Variants in PTPN4 observed in about 807,000 individuals in gnomAD.
PTPN4 encodes protein tyrosine phosphatase non-receptor type 4.
In PTPN4, 49 loss-of-function variants were observed where a neutral mutation model predicts 135.5. The ratio of observed to expected loss-of-function variants is 0.36; its 90% CI spans 0.29 to 0.46. PTPN4 has a LOEUF of 0.46. PTPN4 is among the 20% of genes least tolerant of loss of function. The pLI, the probability that PTPN4 is intolerant of heterozygous loss-of-function variation, is 1.00. For synonymous variants in PTPN4, 333 were observed against 369.9 expected, an observed-to-expected ratio of 0.90 and a Z score of 1.14; for missense variants, 860 against 1,101.0, an observed-to-expected ratio of 0.78 and a Z score of 3.10.
intron 26 of PTPN4, among the ~76,000 whole-genome samples, chr2:119,969,407 T>G (rs919206741): frequency 1.3e-5 from 2 of 152,222 alleles, no homozygotes; most frequent in Non-Finnish European, 1.5e-5. Flanking sequence ...TTCATCTGGA[T>G]AGCTGTTCAC....
rs187888697 is a variant in PTPN4 at position 119,855,091 on chromosome 2, G to C, written c.139-7445G>C. ...TTAAGTACTGATCTTTCAAGGAGAG[G>C]GGTGCCCATAAACCAGAATAGACCT... On this transcript the variant is annotated intron_variant, in intron 2 of 26. Transcript: ENST00000263708. Among the ~76,000 whole-genome samples the C allele has an allele frequency of 1.5e-3, 228 of 152,184 alleles. 2 individuals are homozygous for C. The highest frequency in any genetic ancestry group is 2.7e-3 in the Non-Finnish European group (184 of 68,010).
At chr2:119,949,358 A>G (rs1334262187) in intron 18 of PTPN4, among the ~76,000 whole-genome samples, 2 of 152,194 alleles carry the variant, frequency 1.3e-5, no homozygotes, top group Admixed American at 6.5e-5. Context: ...ATCGGGGGAA[A>G]AGGAAAAGGT....
At chr2:119,930,400 G>A (rs1015028706) in intron 13 of PTPN4, among the ~76,000 whole-genome samples, 1 of 151,548 alleles carries the variant, frequency 6.6e-6, no homozygotes, top group South Asian at 2.1e-4. Context: ...TAAATTTTTC[G>A]TGGTTTAGTA....
chr2:119,821,941 C>T (rs756457250), intron 2 of PTPN4, among the ~76,000 whole-genome samples: 18 of 151,818 alleles, frequency 1.2e-4, no homozygotes, highest in Non-Finnish European at 1.8e-4. Flanking sequence ...TTATGTATGA[C>T]GTATTGTTTG....
chr2:119,973,764 T>G (rs1177214261), intron 26 of PTPN4, among the ~76,000 whole-genome samples: 1 of 144,328 alleles, frequency 6.9e-6, no homozygotes, highest in Non-Finnish European at 1.5e-5. Context: ...ATCCTCAAGG[T>G]GGTGTTCTCT....
chr2:119,878,269 T>C (rs1678015069), intron 5 of PTPN4, among the ~76,000 whole-genome samples: 2 of 152,196 alleles, frequency 1.3e-5, no homozygotes, highest in Admixed American at 1.3e-4. Flanking sequence ...AACAGTGTAG[T>C]AACTGTCAGT....
chr2:119,885,923 T>G, intron 9 of PTPN4, 41 bp downstream of exon 9: 3 of 1,330,308 alleles, frequency 2.3e-6, no homozygotes, highest in Non-Finnish European at 3.1e-6. Flanking sequence ...TGAGTTAGGC[T>G]CCGTTACTCA....
intron 1 of PTPN4, among the ~76,000 whole-genome samples, chr2:119,780,755 T>G (rs764759074): frequency 2.0e-5 from 3 of 152,222 alleles, no homozygotes; most frequent in Non-Finnish European, 4.4e-5. Flanking sequence ...ATGACAGATT[T>G]CTCCATTGTA....
intron 2 of PTPN4, among the ~76,000 whole-genome samples, chr2:119,843,634 CT>C (rs1356882715): frequency 0.024 from 1,207 of 50,676 alleles, 24 homozygotes; most frequent in African/African-American, 0.032. Context: ...CCCCCCCCAC[CT>C]TCCCTCCCGG....
rs1678224953 is a variant in PTPN4, at chr2:119,890,466, C to T, written c.675+4584C>T. Reference sequence around the variant, plus strand: ...GTTGAATTATGTATTTTAATCCATTCAGCCATTTTGTATCTTTTAAGAGGA... The same window carrying T: ...GTTGAATTATGTATTTTAATCCATTTAGCCATTTTGTATCTTTTAAGAGGA... On this transcript the variant is annotated intron_variant, in intron 9 of 26. Transcript: ENST00000263708. 2.0e-5 allele frequency among the ~76,000 whole-genome samples: 3 copies of T among 152,038 alleles called. No individual in the cohort carries two copies. In the South Asian group the frequency reaches 6.2e-4, roughly 32 times the overall value.
intron 1 of PTPN4, among the ~76,000 whole-genome samples, chr2:119,781,118 A>T (rs899373118): frequency 1.3e-5 from 2 of 151,990 alleles, no homozygotes; most frequent in African/African-American, 4.8e-5. Context: ...TTTTTCTTTG[A>T]CTAGTCCTCA....
intron 2 of PTPN4, among the ~76,000 whole-genome samples, chr2:119,846,478 A>G (rs1011236750): frequency 1.3e-5 from 2 of 151,424 alleles, no homozygotes; most frequent in African/African-American, 4.9e-5. Context: ...AACTTTTTAA[A>G]TCCTTTACTT....
chr2:119,893,488 G>C (rs1678272397), intron 9 of PTPN4, among the ~76,000 whole-genome samples: 1 of 152,188 alleles, frequency 6.6e-6, no homozygotes, highest in Admixed American at 6.5e-5. Context: ...TATAGACCTG[G>C]AGTTGAGAGG....
chr2:119,815,026 A>C (rs1252783904), intron 2 of PTPN4, among the ~76,000 whole-genome samples: 1 of 152,168 alleles, frequency 6.6e-6, no homozygotes, highest in East Asian at 1.9e-4. Flanking sequence ...TAAGGTGACC[A>C]TATTTCTTGT....
chr2:119,833,417 A>G (rs1280025034), intron 2 of PTPN4, among the ~76,000 whole-genome samples: 1 of 152,128 alleles, frequency 6.6e-6, no homozygotes, highest in Non-Finnish European at 1.5e-5. Context: ...CTTAATAAAT[A>G]AGTTTTTATA....
rs1691141920 is a variant in PTPN4, at chr2:119,791,335, G to A, written c.-17-18502G>A. Reference sequence around the variant, plus strand: ...AGTAGAGATGGGGTTTCACCATGTTGGTTGGCCAGGATGGTCTCAATCTCT... The same window carrying A: ...AGTAGAGATGGGGTTTCACCATGTTAGTTGGCCAGGATGGTCTCAATCTCT... On this transcript the variant is annotated intron_variant, in intron 1 of 26. Coordinates refer to ENST00000263708, the MANE Select transcript of PTPN4 (RefSeq NM_002830.4). 3.3e-5 allele frequency: 5 copies of A among 152,044 alleles called. No individual in the cohort carries two copies. The South Asian group carries it at 1.0e-3, about 32-fold the overall frequency. The allele number at this position is 152,044 out of a possible 1,614,324, so 9.4% of individuals were successfully genotyped here.
At chr2:119,842,359 TAAGA>T (rs923723276) in intron 2 of PTPN4, among the ~76,000 whole-genome samples, 2 of 152,200 alleles carry the variant, frequency 1.3e-5, no homozygotes, top group Non-Finnish European at 2.9e-5. Flanking sequence ...GGTTCAAGAC[TAAGA>T]AAGAGACCAC....
intron 1 of PTPN4, among the ~76,000 whole-genome samples, chr2:119,771,085 T>G (rs1259479457): frequency 6.6e-6 from 1 of 152,166 alleles, no homozygotes. Flanking sequence ...ATGTAACAAG[T>G]CTGATTACCT....
chr2:119,772,182 C>T (rs1343596431), intron 1 of PTPN4, among the ~76,000 whole-genome samples: 2 of 152,136 alleles, frequency 1.3e-5, no homozygotes, highest in African/African-American at 4.8e-5. Context: ...CAGCCTAGCA[C>T]AAATTGCAGT....
Sources: allele counts gnomAD v4.1 joint callset (sites outside exome capture counted in the v4.1 genomes callset), GRCh38; gene constraint gnomAD v4.1.1; transcripts MANE v1.5; gene names NCBI Gene and HGNC (gene_info 2026-07-23, HGNC 2026-07-21).